The following NBEA variants were observed in gnomAD, a reference collection of about 807,000 sequenced individuals.
The protein encoded by NBEA is lysosomal-trafficking regulator 2.
In NBEA, 44 loss-of-function variants were observed where a neutral mutation model predicts 343.4. That is an observed-to-expected ratio of 0.13 (90% CI 0.10 to 0.16). NBEA has a LOEUF of 0.16. NBEA is among the 10% of genes least tolerant of loss of function. NBEA has a pLI of 1.00. For missense variants in NBEA, 2,555 were observed against 3,631.3 expected, an observed-to-expected ratio of 0.70 and a Z score of 7.62; for synonymous variants, 1,175 against 1,238.7, an observed-to-expected ratio of 0.95 and a Z score of 1.08.
intron 1 of NBEA, among the ~76,000 whole-genome samples, chr13:35,015,207 C>T (rs963448136): frequency 7.0e-6 from 1 of 142,612 alleles, no homozygotes; most frequent in Admixed American, 7.4e-5. Flanking sequence ...CCCATTGAAT[C>T]TGATTTGAAT....
chr13:35,119,923 A>C (rs1320044147), intron 16 of NBEA, among the ~76,000 whole-genome samples: 1 of 152,140 alleles, frequency 6.6e-6, no homozygotes, highest in Non-Finnish European at 1.5e-5. Flanking sequence ...AGCTATATGA[A>C]ACTGTTGATA....
intron 45 of NBEA, among the ~76,000 whole-genome samples, chr13:35,578,096 T>G (rs1342581061): frequency 1.3e-5 from 2 of 152,204 alleles, no homozygotes; most frequent in Non-Finnish European, 2.9e-5. Context: ...AGCAGTTCAA[T>G]GTCTTAAAAG....
At chr13:35,562,828 C>T (rs2079925556) in intron 44 of NBEA, among the ~76,000 whole-genome samples, 1 of 152,024 alleles carries the variant, frequency 6.6e-6, no homozygotes, top group African/African-American at 2.4e-5. Context: ...TCTAATTAAA[C>T]AATATTTTGC....
At chr13:35,005,827 C>T (rs1462974595) in intron 1 of NBEA, among the ~76,000 whole-genome samples, 1 of 152,174 alleles carries the variant, frequency 6.6e-6, no homozygotes, top group Non-Finnish European at 1.5e-5. Context: ...AGAGTTTATA[C>T]TTCCAGATAT....
intron 38 of NBEA, among the ~76,000 whole-genome samples, chr13:35,378,656 A>G (rs924142762): frequency 1.3e-5 from 2 of 151,938 alleles, no homozygotes; most frequent in Non-Finnish European, 1.5e-5. Context: ...TTTTTCCTTT[A>G]TATTAAAGTA....
At chr13:35,451,835 T>C (rs1176140297) in intron 39 of NBEA, among the ~76,000 whole-genome samples, 15 of 152,188 alleles carry the variant, frequency 9.9e-5, no homozygotes, top group Admixed American at 9.2e-4. Flanking sequence ...TAGCAACTGC[T>C]AGGTTCCTCC....
intron 34 of NBEA, among the ~76,000 whole-genome samples, chr13:35,265,549 A>C (rs374974537): frequency 6.6e-6 from 1 of 152,016 alleles, no homozygotes; most frequent in East Asian, 1.9e-4. Context: ...GATAGCCCAG[A>C]AATAAATCCA....
chr13:35,430,220 G>A (rs1191641976), intron 38 of NBEA, among the ~76,000 whole-genome samples: 1 of 151,878 alleles, frequency 6.6e-6, no homozygotes, highest in Non-Finnish European at 1.5e-5. Flanking sequence ...TAATGATATT[G>A]AGCATTCTTT....
At chr13:35,262,717 T>C (rs770970283) in intron 34 of NBEA, among the ~76,000 whole-genome samples, 7 of 152,214 alleles carry the variant, frequency 4.6e-5, no homozygotes, top group Non-Finnish European at 1.0e-4. Context: ...AGTGGAGCTA[T>C]TGTGTGTTGA....
At chr13:35,221,077 G>A (rs1038741714) in intron 33 of NBEA, among the ~76,000 whole-genome samples, 3 of 152,020 alleles carry the variant, frequency 2.0e-5, no homozygotes, top group Non-Finnish European at 4.4e-5. Context: ...TGGGCGTGAT[G>A]GCTCACGACT....
At chr13:35,417,239 A>C (rs1026851120) in intron 38 of NBEA, among the ~76,000 whole-genome samples, 1 of 151,618 alleles carries the variant, frequency 6.6e-6, no homozygotes, top group African/African-American at 2.4e-5. Flanking sequence ...TATTTCCTTC[A>C]GTTCTGCTCT....
At chr13:35,068,111 A>G (rs186698309) in intron 8 of NBEA, among the ~76,000 whole-genome samples, 1 of 152,256 alleles carries the variant, frequency 6.6e-6, no homozygotes, top group East Asian at 1.9e-4. Context: ...AATTTTCTTC[A>G]TTTAATGGAT....
chr13:35,597,193 T>G (rs1295593050), intron 47 of NBEA, among the ~76,000 whole-genome samples: 1 of 152,198 alleles, frequency 6.6e-6, no homozygotes, highest in Admixed American at 6.5e-5. Flanking sequence ...GGATATGTTC[T>G]TATTTTTTGA....
chr13:35,293,242 A>AC (rs1039994362), intron 35 of NBEA, among the ~76,000 whole-genome samples: 54 of 151,752 alleles, frequency 3.6e-4, no homozygotes, highest in African/African-American at 1.2e-3. Context: ...CATCCAGTCT[A>AC]CCCCCCAATG....
At position 34,985,659 on chromosome 13, in the gene NBEA, C is replaced by T. The variant is rs766217966; in HGVS notation, c.294+42545C>T. On this transcript the variant is annotated intron_variant, in intron 1 of 58. Transcript: ENST00000379939. ...CTCTGGTAGAATTTGGTTGTGAATC[C>T]GTCTGGTCCTGGACTTTTTTTGGTT... Among the ~76,000 whole-genome samples the T allele has an allele frequency of 1.0e-4, 15 of 150,700 alleles. 1 individual carries two copies. The highest frequency in any genetic ancestry group is 1.9e-4 in the East Asian group (1 of 5,186).
chr13:35,566,945 G>A lies in NBEA; in HGVS notation c.6963G>A (p.Pro2321=), dbSNP rs762529770. 1.1e-5 allele frequency: 18 copies of A among 1,612,302 alleles called. No individual in the cohort carries two copies. The highest frequency in any genetic ancestry group is 3.3e-5 in the Admixed American group (2 of 59,954). ...YNDLNQYPVF[P]WVLTNYESEE... ...ATCTGAACCAATATCCAGTGTTTCC[G>A]TGGGTGTTAACCAACTATGAATCAG... Residue 2321 remains proline, a synonymous_variant, in exon 45 of 59, where the codon CCG becomes CCA. Coordinates refer to ENST00000379939, the MANE Select transcript of NBEA (RefSeq NM_001385012.1).
intron 10 of NBEA, among the ~76,000 whole-genome samples, chr13:35,093,897 T>C (rs892348182): frequency 2.6e-5 from 4 of 151,918 alleles, no homozygotes; most frequent in Non-Finnish European, 2.9e-5. Flanking sequence ...TTGAAGGCTT[T>C]TAGTAAATAT....
chr13:35,135,008 C>G (rs555821555), intron 17 of NBEA, among the ~76,000 whole-genome samples: 65 of 151,960 alleles, frequency 4.3e-4, no homozygotes, highest in Admixed American at 2.6e-3. Context: ...TTCATTCATT[C>G]GGTTTTTCCC....
chr13:34,969,551 AC>A (rs1162507440), intron 1 of NBEA, among the ~76,000 whole-genome samples: 5 of 151,540 alleles, frequency 3.3e-5, no homozygotes, highest in African/African-American at 1.2e-4. Context: ...TGATCCTCCC[AC>A]CCTTGACCCT....
Sources: allele counts gnomAD v4.1 joint callset (sites outside exome capture counted in the v4.1 genomes callset), GRCh38; gene constraint gnomAD v4.1.1; transcripts MANE v1.5; gene names NCBI Gene and HGNC (gene_info 2026-07-23, HGNC 2026-07-21).